Variants in PRKAG2 observed in about 807,000 individuals in gnomAD.
PRKAG2 encodes protein kinase AMP-activated non-catalytic subunit gamma 2.
A neutral mutation model predicts 69.6 loss-of-function variants in PRKAG2; 26 were observed. The ratio of observed to expected loss-of-function variants is 0.37; its 90% CI spans 0.27 to 0.52. PRKAG2 has a LOEUF of 0.52. Ranked by LOEUF, PRKAG2 falls within the 20% of genes least tolerant of loss-of-function variation. The pLI is 0.90. For missense variants in PRKAG2, 557 were observed against 740.0 expected (o/e 0.75, Z 2.87); for synonymous variants, 293 against 285.0 (o/e 1.03, Z -0.28).
At position 151,837,069 on chromosome 7, in the gene PRKAG2, C is replaced by T. The variant is rs139527888; in HGVS notation, c.114+39438G>A. ...CGAGGAAAACAAAGCCACACCACAC[C>T]GTGCACAGCCGTCTTCACATCTCTG... On this transcript the variant is annotated intron_variant, in intron 1 of 15. Coordinates refer to ENST00000287878, the MANE Select transcript of PRKAG2 (RefSeq NM_016203.4). Among the ~76,000 whole-genome samples the T allele has an allele frequency of 3.8e-3, 584 of 152,312 alleles. 7 individuals carry two copies. The highest frequency in any genetic ancestry group is 0.013 in the African/African-American group (552 of 41,562).
chr7:151,652,263 G>A (rs893423692), intron 4 of PRKAG2, among the ~76,000 whole-genome samples: 4 of 151,860 alleles, frequency 2.6e-5, no homozygotes, highest in South Asian at 2.1e-4. Flanking sequence ...TTTTCCAACC[G>A]CCTATCTGTC....
intron 5 of PRKAG2, among the ~76,000 whole-genome samples, chr7:151,615,617 G>A (rs993373140): frequency 1.3e-5 from 2 of 152,170 alleles, no homozygotes; most frequent in Non-Finnish European, 2.9e-5. Context: ...TATCAACAGA[G>A]TGAAGAGACA....
intron 1 of PRKAG2, among the ~76,000 whole-genome samples, chr7:151,849,011 T>G (rs2079506937): frequency 6.6e-6 from 1 of 152,194 alleles, no homozygotes; most frequent in Non-Finnish European, 1.5e-5. Flanking sequence ...GCCCAGGACC[T>G]GGGTACTGCT....
intron 3 of PRKAG2, among the ~76,000 whole-genome samples, chr7:151,761,942 C>G (rs944726187): frequency 6.6e-6 from 1 of 152,164 alleles, no homozygotes; most frequent in African/African-American, 2.4e-5. Context: ...AGGGGACGCA[C>G]GTTTTTCTTA....
chr7:151,682,381 CAGGCAAA>C (rs1834010512), intron 3 of PRKAG2, among the ~76,000 whole-genome samples: 1 of 152,062 alleles, frequency 6.6e-6, no homozygotes, highest in African/African-American at 2.4e-5. Flanking sequence ...GCCGGAACTC[CAGGCAAA>C]TACCATTACA....
rs1797869430 is a variant in PRKAG2 at position 151,725,934 on chromosome 7, G to A, written c.467-50297C>T. Reference sequence around the variant, plus strand: ...ATTTTTCTATCCTAGGGATGAAGGTGATCTATTTTTAGTGTAGAGGCTGGT... The same window carrying A: ...ATTTTTCTATCCTAGGGATGAAGGTAATCTATTTTTAGTGTAGAGGCTGGT... On this transcript the variant is annotated intron_variant, in intron 3 of 15. Coordinates refer to ENST00000287878, the MANE Select transcript of PRKAG2 (RefSeq NM_016203.4). Among the ~76,000 whole-genome samples, 7 of 152,176 alleles carry A rather than the reference G, an allele frequency of 4.6e-5. No homozygotes were observed. In the South Asian group the frequency reaches 1.5e-3, roughly 32 times the overall value.
At chr7:151,641,244 C>CTTTT (rs374667332) in intron 4 of PRKAG2, among the ~76,000 whole-genome samples, 11 of 105,688 alleles carry the variant, frequency 1.0e-4, no homozygotes, top group East Asian at 3.5e-4. Flanking sequence ...TTCTTTTTTC[C>CTTTT]TTTTTTTTTT....
intron 3 of PRKAG2, among the ~76,000 whole-genome samples, chr7:151,747,444 T>C (rs779009565): frequency 2.0e-5 from 3 of 152,094 alleles, no homozygotes; most frequent in South Asian, 2.1e-4. Context: ...GTAATCCCAG[T>C]TACTCAGGAG....
intron 3 of PRKAG2, among the ~76,000 whole-genome samples, chr7:151,700,093 G>C (rs765877894): frequency 6.6e-6 from 1 of 152,148 alleles, no homozygotes; most frequent in Non-Finnish European, 1.5e-5. Context: ...TAGGAAACAG[G>C]TCTTTGAATA....
intron 1 of PRKAG2, among the ~76,000 whole-genome samples, chr7:151,844,239 G>C (rs2079377193): frequency 6.6e-6 from 1 of 152,000 alleles, no homozygotes; most frequent in South Asian, 2.1e-4. Context: ...CCACAGGCAG[G>C]CCAGTGCTCC....
chr7:151,709,898 GA>G (rs1839289179), intron 3 of PRKAG2, among the ~76,000 whole-genome samples: 1 of 152,146 alleles, frequency 6.6e-6, no homozygotes, highest in Non-Finnish European at 1.5e-5. Flanking sequence ...ATGTGACAGT[GA>G]CAGTGACATG....
chr7:151,569,038 C>A (rs1806925005), intron 10 of PRKAG2, among the ~76,000 whole-genome samples, 196 bp from the exon 11 acceptor site: 1 of 152,148 alleles, frequency 6.6e-6, no homozygotes, highest in South Asian at 2.1e-4. Flanking sequence ...AATACAAGTG[C>A]AAGCTACAAA....
intron 5 of PRKAG2, among the ~76,000 whole-genome samples, chr7:151,610,347 C>T (rs908047163): frequency 6.8e-6 from 1 of 146,772 alleles, no homozygotes; most frequent in Non-Finnish European, 1.5e-5. Context: ...CCAGCCTGGG[C>T]GACAGAGCGA....
chr7:151,836,816 A>C lies in PRKAG2; in HGVS notation c.114+39691T>G, dbSNP rs1376855139. On this transcript the variant is annotated intron_variant, in intron 1 of 15. Coordinates refer to ENST00000287878, the MANE Select transcript of PRKAG2 (RefSeq NM_016203.4). This position sits in a 1 kb window ranked among gnomAD's most constrained non-coding sequence, Gnocchi z 4.1. ...TTTAGGCATTAATGTCCTGTGACAA[A>C]TTCACTTAGGACTAAGAAGCCACTG... Among the ~76,000 whole-genome samples the C allele has an allele frequency of 6.6e-6, 1 of 152,146 alleles. No individual in the cohort carries two copies. The highest frequency in any genetic ancestry group is 1.5e-5 in the Non-Finnish European group (1 of 68,040).
intron 15 of PRKAG2, chr7:151,559,164 T>A: frequency 2.0e-6 from 2 of 984,036 alleles, no homozygotes; most frequent in Non-Finnish European, 2.4e-6. Context: ...ATGGTCTGGA[T>A]GAGCCTGGCT....
rs2077015132 is a variant in PRKAG2 at position 151,786,467 on chromosome 7, T to C, written c.186+3A>G. On this transcript the variant is annotated splice_donor_region_variant and intron_variant, in intron 2 of 15. Coordinates refer to ENST00000287878, the MANE Select transcript of PRKAG2 (RefSeq NM_016203.4). ...TGAGAAACTTCTGGAAAGGAGGTCT[T>C]ACCTTTCGAGAGGAATGCTTTCCGG... The C allele has an allele frequency of 6.2e-7, 1 of 1,609,854 alleles. No homozygotes were observed. Among genetic ancestry groups the C allele is most frequent in the Non-Finnish European group, 8.5e-7 (1 of 1,178,084 alleles).
intron 3 of PRKAG2, among the ~76,000 whole-genome samples, chr7:151,757,718 C>T (rs1435928876): frequency 6.6e-6 from 1 of 152,218 alleles, no homozygotes; most frequent in Non-Finnish European, 1.5e-5. Flanking sequence ...ACGCATTCTG[C>T]TGTTCTCTGA....
At position 151,556,386 on chromosome 7, in the gene PRKAG2, G is replaced by C. The variant is rs1803795895; in HGVS notation, c.*815C>G. The C allele has an allele frequency of 6.6e-6, 1 of 152,590 alleles. No individual in the cohort carries two copies. The highest frequency in any genetic ancestry group is 1.5e-5 in the Non-Finnish European group (1 of 68,036). The allele number at this position is 152,590 out of a possible 1,614,324, so 9.5% of individuals were successfully genotyped here. A position where few individuals can be genotyped will look rare whatever the true frequency, so the allele number is the denominator to read the frequency against. ...AAGAAAAAAAATAGACATCTTCCCG[G>C]CACTTGGCTCCCGCCTGACGGCAAC... On this transcript the variant is annotated 3_prime_UTR_variant, in exon 16 of 16. Coordinates refer to ENST00000287878, the MANE Select transcript of PRKAG2 (RefSeq NM_016203.4).
At chr7:151,674,121 G>C (rs796930108) in intron 4 of PRKAG2, among the ~76,000 whole-genome samples, 4 of 152,180 alleles carry the variant, frequency 2.6e-5, no homozygotes, top group African/African-American at 9.7e-5. Context: ...GGGTTTACAG[G>C]CATGAGCCAC....
Sources: gnomAD v4.1 joint callset for allele counts (sites outside exome capture counted in the v4.1 genomes callset) on GRCh38, gnomAD v4.1.1 for gene constraint, Gnocchi (gnomAD v3.1) non-coding constraint, MANE v1.5 for transcripts, NCBI Gene and HGNC (gene_info 2026-07-23, HGNC 2026-07-21) for gene names.